Variants in RBFOX1 observed in about 807,000 individuals in gnomAD.
RBFOX1 encodes RNA binding fox-1 homolog 1.
Under a neutral mutation model 57.7 loss-of-function variants are expected in RBFOX1, and 8 were observed. The ratio of observed to expected loss-of-function variants is 0.14; its 90% CI spans 0.08 to 0.25. The LOEUF (loss-of-function observed/expected upper bound fraction) is 0.25, where lower values mean the gene tolerates loss of function less well. RBFOX1 is among the 10% of genes least tolerant of loss of function. The pLI is 1.00. For synonymous variants in RBFOX1, 326 were observed against 222.4 expected (o/e 1.47, Z -4.15); for missense variants, 611 against 548.5 (o/e 1.11, Z -1.14).
intron 2 of RBFOX1, among the ~76,000 whole-genome samples, chr16:6,612,500 T>A (rs1439999850): frequency 6.6e-6 from 1 of 152,192 alleles, no homozygotes; most frequent in Non-Finnish European, 1.5e-5. Flanking sequence ...ACAAGGCAGT[T>A]GGAATTGGAT....
At chr16:5,689,565 T>G (rs1192137438) in intron 3 of RBFOX1, among the ~76,000 whole-genome samples, 1 of 152,142 alleles carries the variant, frequency 6.6e-6, no homozygotes, top group African/African-American at 2.4e-5. Flanking sequence ...AGGAAAGACT[T>G]TTTGGGACCT....
chr16:6,711,592 A>G (rs369298317), intron 3 of RBFOX1, among the ~76,000 whole-genome samples: 2 of 152,168 alleles, frequency 1.3e-5, no homozygotes, highest in Admixed American at 6.5e-5. Flanking sequence ...ACCATGTAAG[A>G]CATGCCTTAC....
chr16:7,648,008 T>C (rs189027369), intron 11 of RBFOX1, among the ~76,000 whole-genome samples: 4 of 152,320 alleles, frequency 2.6e-5, no homozygotes, highest in African/African-American at 7.2e-5. Context: ...ATATACATTT[T>C]ACCATGTTCC....
intron 3 of RBFOX1, among the ~76,000 whole-genome samples, chr16:6,661,725 C>G (rs1284163561): frequency 1.3e-5 from 2 of 152,236 alleles, no homozygotes; most frequent in Non-Finnish European, 2.9e-5. Flanking sequence ...CCTGAGAAAT[C>G]ACAGGGCTGG....
intron 3 of RBFOX1, among the ~76,000 whole-genome samples, chr16:5,666,844 G>A (rs1006632281): frequency 6.6e-6 from 1 of 152,172 alleles, no homozygotes; most frequent in African/African-American, 2.4e-5. Context: ...TTTCATTTGA[G>A]CCCCAGGAGG....
At chr16:7,429,363 C>T (rs887098697) in intron 4 of RBFOX1, among the ~76,000 whole-genome samples, 1 of 152,210 alleles carries the variant, frequency 6.6e-6, no homozygotes. Flanking sequence ...CATTCATCAG[C>T]TGTTGATTTT....
intron 1 of RBFOX1, among the ~76,000 whole-genome samples, chr16:6,071,811 A>G (rs922754849): frequency 4.6e-5 from 7 of 152,184 alleles, no homozygotes; most frequent in African/African-American, 1.7e-4. Flanking sequence ...TATTGCAGAC[A>G]CTTTGTATAA....
At chr16:5,727,969 C>T (rs538445453) in intron 3 of RBFOX1, among the ~76,000 whole-genome samples, 2 of 152,180 alleles carry the variant, frequency 1.3e-5, no homozygotes, top group Admixed American at 6.5e-5. Flanking sequence ...TTACAGGAGA[C>T]AGCTACCATG....
chr16:7,338,097 T>C lies in RBFOX1; in HGVS notation c.28-180050T>C, dbSNP rs538925067. Among the ~76,000 whole-genome samples the C allele has an allele frequency of 1.2e-4, 19 of 152,320 alleles. No individual in the cohort carries two copies. The East Asian group carries it at 3.1e-3, about 25-fold the overall frequency. ...AGGGTACATGTGCAGGGTGTGCAGG[T>C]TTGTTACATAGGTAAAGGAGTGCCA... On this transcript the variant is annotated intron_variant, in intron 4 of 15. Transcript: ENST00000550418.
chr16:6,421,095 G>T (rs184150792), intron 2 of RBFOX1, among the ~76,000 whole-genome samples: 57 of 152,298 alleles, frequency 3.7e-4, no homozygotes, highest in Admixed American at 1.0e-3. Flanking sequence ...TCACATGAAG[G>T]CTGGATGTGA....
chr16:7,128,711 T>G (rs2069309118), intron 4 of RBFOX1, among the ~76,000 whole-genome samples: 1 of 152,102 alleles, frequency 6.6e-6, no homozygotes, highest in South Asian at 2.1e-4. Flanking sequence ...CTCTACCACT[T>G]GATGGGAGGA....
In RBFOX1 at chr16:5,411,752, C is replaced by T. The variant is rs1021396316; in HGVS notation, c.220-55464C>T. Among the ~76,000 whole-genome samples, 4 of 151,776 alleles carry T rather than the reference C, an allele frequency of 2.6e-5. No individual in the cohort carries two copies. In the East Asian group the frequency reaches 7.7e-4, roughly 29 times the overall value. ...CCATCTGTACAAAAAAAAAATTAGT[C>T]AGGCATGGTGGTCTCATCTACTCTG... On this transcript the variant is annotated intron_variant, in intron 1 of 2. Coordinates refer to the RBFOX1 transcript ENST00000585867.
At chr16:7,662,776 C>T (rs1356281410) in intron 12 of RBFOX1, among the ~76,000 whole-genome samples, 1 of 152,222 alleles carries the variant, frequency 6.6e-6, no homozygotes, top group Non-Finnish European at 1.5e-5. Context: ...CATGATGCCA[C>T]CCATCCCTTT....
chr16:7,115,888 A>G (rs963377065), intron 4 of RBFOX1, among the ~76,000 whole-genome samples: 1 of 152,226 alleles, frequency 6.6e-6, no homozygotes, highest in African/African-American at 2.4e-5. Flanking sequence ...CACTGAGAAA[A>G]GCATAAAATA....
intron 15 of RBFOX1, chr16:7,710,115 A>G: frequency 3.0e-6 from 3 of 1,006,492 alleles, no homozygotes; most frequent in Non-Finnish European, 3.5e-6. Flanking sequence ...ACATCAAGCA[A>G]TTCATCTGTA....
chr16:5,888,692 A>T (rs1157890342), intron 4 of RBFOX1, among the ~76,000 whole-genome samples: 1 of 151,878 alleles, frequency 6.6e-6, no homozygotes, highest in Non-Finnish European at 1.5e-5. Flanking sequence ...CTACTCAACA[A>T]GGCTGAGGCA....
intron 3 of RBFOX1, among the ~76,000 whole-genome samples, chr16:6,956,058 T>C (rs1683040242): frequency 6.6e-6 from 1 of 152,156 alleles, no homozygotes; most frequent in Non-Finnish European, 1.5e-5. Context: ...AAGTGAGTTA[T>C]CTTCCCTTTA....
At chr16:6,239,944 G>A (rs2097531472) in intron 1 of RBFOX1, among the ~76,000 whole-genome samples, 1 of 152,162 alleles carries the variant, frequency 6.6e-6, no homozygotes, top group African/African-American at 2.4e-5. Context: ...CCAATGGTGG[G>A]GGGTGTTTCG....
At chr16:6,622,994 A>G (rs1007739900) in intron 2 of RBFOX1, among the ~76,000 whole-genome samples, 1 of 152,176 alleles carries the variant, frequency 6.6e-6, no homozygotes, top group African/African-American at 2.4e-5. Context: ...AAGATTAGCT[A>G]TTTTAATGAA....
Sources: allele counts gnomAD v4.1 joint callset (sites outside exome capture counted in the v4.1 genomes callset), GRCh38; gene constraint gnomAD v4.1.1; transcripts MANE v1.5; gene names NCBI Gene and HGNC (gene_info 2026-07-23, HGNC 2026-07-21).